The following CCDC9 variants were observed in gnomAD, a reference collection of about 807,000 sequenced individuals.
The protein encoded by CCDC9 is coiled-coil domain-containing protein 9.
CCDC9 carries 52 observed loss-of-function variants against 65.6 expected under a neutral mutation model. The ratio of observed to expected loss-of-function variants is 0.79; its 90% confidence interval spans 0.63 to 1.00. CCDC9 has a LOEUF of 1.00. Among genes scored for constraint, CCDC9 ranks in the 50% least tolerant of loss-of-function variants. The pLI, the probability that CCDC9 is intolerant of heterozygous loss-of-function variation, is 0.00. For missense variants in CCDC9, 834 were observed against 757.2 expected (o/e 1.10, Z -1.19); for synonymous variants, 332 against 280.3 (o/e 1.18, Z -1.84).
chr19:47,262,074 CAA>C (rs1419196298), intron 5 of CCDC9, among the ~76,000 whole-genome samples: 4 of 151,846 alleles, frequency 2.6e-5, no homozygotes, highest in African/African-American at 7.3e-5. Flanking sequence ...TGCTGTCACA[CAA>C]AGACTCCAAA....
Position 47,260,311 on chromosome 19 carries a change from C to T in CCDC9, c.109-10C>T, listed in dbSNP as rs2059036566. Reference sequence around the variant, plus strand: ...CCTGATGCTTCCCTACCCCGGCTGTCTGCTCCTAGGAGATTGAGGAAGACC... The same window carrying T: ...CCTGATGCTTCCCTACCCCGGCTGTTTGCTCCTAGGAGATTGAGGAAGACC... On this transcript the variant is annotated splice_polypyrimidine_tract_variant and intron_variant, in intron 3 of 11. Transcript: ENST00000221922. 6.4e-7 allele frequency: 1 copy of T among 1,567,526 alleles called. No individual in the cohort carries two copies. Among genetic ancestry groups the T allele is most frequent in the Non-Finnish European group, 8.7e-7 (1 of 1,154,326 alleles).
rs1460081036 is a variant in CCDC9, at chr19:47,271,726, TGTGTGTGCGCGC to T, written c.*50_*61del. ...GTGTGTGTGTGTGTGTGTGTGTGTGTGTGTGTGCGCGCGCGCGCGCGCGCGCGCGCGCGCTAG... is the reference window on the plus strand; with the variant it reads ...GTGTGTGTGTGTGTGTGTGTGTGTGTGCGCGCGCGCGCGCGCGCGCGCTAG... On this transcript the variant is annotated 3_prime_UTR_variant, in exon 12 of 12. Coordinates refer to ENST00000221922, the MANE Select transcript of CCDC9 (RefSeq NM_015603.3). 1,075 of 1,138,970 alleles carry T rather than the reference TGTGTGTGCGCGC, an allele frequency of 9.4e-4. 6 individuals are homozygous for T. In the African/African-American group the frequency reaches 0.017, roughly 18 times the overall value. 70.6% of individuals were successfully genotyped at this position (1,138,970 alleles called of 1,614,324 possible).
chr19:47,272,630 TG>T (rs1219169294), downstream of CCDC9, among the ~76,000 whole-genome samples: 1 of 151,850 alleles, frequency 6.6e-6, no homozygotes, highest in African/African-American at 2.4e-5. Flanking sequence ...TCAAAAAAGG[TG>T]GTTGGCGTTG....
At chr19:47,261,230 CCCAT>C (rs1226372683) in intron 5 of CCDC9, among the ~76,000 whole-genome samples, 1 of 152,078 alleles carries the variant, frequency 6.6e-6, no homozygotes, top group Non-Finnish European at 1.5e-5. Flanking sequence ...ATCCTCCGTC[CCCAT>C]CTCTCCTCCC....
rs2059037714 is a variant in CCDC9 at position 47,260,496 on chromosome 19, C to T, written c.210+74C>T. 35 of 1,600,504 alleles carry T rather than the reference C, an allele frequency of 2.2e-5. 1 individual carries two copies. The highest frequency in any genetic ancestry group is 1.6e-4 in the South Asian group (14 of 90,148). On this transcript the variant is annotated intron_variant, in intron 4 of 11. Transcript: ENST00000221922. ...GGGTTGAGGCCTGGGACCCAGGAGC[C>T]CCCAGCTGTCCTGCACCAGTGGGTG...
chr19:47,256,880 C>CT (rs1294797792), intron 1 of CCDC9, among the ~76,000 whole-genome samples: 1 of 150,906 alleles, frequency 6.6e-6, no homozygotes, highest in Non-Finnish European at 1.5e-5. Context: ...CATAGTGTTG[C>CT]TTGTTCAGCT....
chr19:47,256,739 T>A (rs1174720525), intron 1 of CCDC9, 130 bp downstream of exon 1: 1 of 25,086 alleles, frequency 4.0e-5, no homozygotes, highest in Non-Finnish European at 7.7e-5. Context: ...GACGCCCACA[T>A]GGGAAGCTGG....
chr19:47,270,598 A>C lies in CCDC9; in HGVS notation c.995A>C (p.Glu332Ala). The stretch of plus-strand genomic sequence containing the variant: ...CCCCCGAAGCCCCCTACTTTTGGGG[A>C]GTTCCTGTCCCAGCACAAAGCTGAG... ...ARPPKPPTFG[E>A]FLSQHKAEAS... is the part of the protein sequence containing the mutation. The change falls in exon 10 of 12, where the codon GAG (glutamate) becomes GCG (alanine). Residue 332 changes from glutamate to alanine, a missense_variant. Coordinates refer to ENST00000221922, the MANE Select transcript of CCDC9 (RefSeq NM_015603.3). 1 of 1,613,616 alleles carries C rather than the reference A, an allele frequency of 6.2e-7. No individual in the cohort carries two copies. Among genetic ancestry groups the C allele is most frequent in the South Asian group, 1.1e-5 (1 of 91,056 alleles).
At chr19:47,275,176 C>G, downstream of CCDC9, 4 of 1,464,890 alleles carry the variant, frequency 2.7e-6, no homozygotes, top group South Asian at 1.4e-5. Flanking sequence ...CCGCCTGTCC[C>G]GGCGCCCGCC....
At position 47,271,714 on chromosome 19, in the gene CCDC9, TGTGTGTGTGTGTGTGTGTGCGCGC is replaced by T. The variant is rs1490078040; in HGVS notation, c.*38_*61del. Reference sequence around the variant, plus strand: ...CTGTGTGTGTGTGTGTGTGTGTGTGTGTGTGTGTGTGTGTGTGTGCGCGCGCGCGCGCGCGCGCGCGCGCGCTAG... The same window carrying T: ...CTGTGTGTGTGTGTGTGTGTGTGTGTGCGCGCGCGCGCGCGCGCGCGCTAG... On this transcript the variant is annotated 3_prime_UTR_variant, in exon 12 of 12. Transcript: ENST00000221922. 1.2e-4 allele frequency: 172 copies of T among 1,378,372 alleles called. No homozygotes were observed. Among genetic ancestry groups the T allele is most frequent in the South Asian group, 7.9e-4 (57 of 72,370 alleles). The allele number at this position is 1,378,372 out of a possible 1,614,324, so 85.4% of individuals were successfully genotyped here. A position where few individuals can be genotyped will look rare whatever the true frequency, so the allele number is the denominator to read the frequency against.
chr19:47,269,746 G>T (rs556398598), intron 8 of CCDC9, among the ~76,000 whole-genome samples: 9 of 152,246 alleles, frequency 5.9e-5, no homozygotes, highest in Admixed American at 5.2e-4. Flanking sequence ...AGGAGCAGGC[G>T]CTAAGGCCCT....
At chr19:47,270,382 C>G (rs747423442) in intron 8 of CCDC9, 25 bp from the exon 9 acceptor site, 2 of 1,613,132 alleles carry the variant, frequency 1.2e-6, no homozygotes, top group African/African-American at 1.3e-5. Flanking sequence ...CCCAGCTGCC[C>G]GCTCACCCGT....
Position 47,264,615 on chromosome 19 carries a change from C to T in CCDC9, c.475C>T (p.Arg159Trp), listed in dbSNP as rs142258592. 1.2e-5 allele frequency: 19 copies of T among 1,598,064 alleles called. No homozygotes were observed. The highest frequency in any genetic ancestry group is 1.4e-5 in the Non-Finnish European group (17 of 1,172,570). The change falls in exon 6 of 12, where the codon CGG becomes TGG. Residue 159 changes from arginine to tryptophan, a missense_variant. By Grantham distance (101) the Arg-to-Trp change is moderately radical (BLOSUM62 -3). Transcript: ENST00000221922. ...SDRKSKEWEE[R>W]RRQNIEKMNE... The stretch of plus-strand genomic sequence containing the variant: ...TTTATCCCCCCAGGAGTGGGAGGAG[C>T]GGCGCAGGCAGAACATTGAGAAGAT...
At position 47,271,892 on chromosome 19, in the gene CCDC9, A is replaced by C; in HGVS notation, c.*214A>C. 1 of 1,313,436 alleles carries C rather than the reference A, an allele frequency of 7.6e-7. No homozygotes were observed. The highest frequency in any genetic ancestry group is 9.7e-7 in the Non-Finnish European group (1 of 1,033,626). The allele number at this position is 1,313,436 out of a possible 1,614,324, so 81.4% of individuals were successfully genotyped here. ...TGTCATGCCCGTCTCTGGAATGTCC[A>C]CTCCCAGAGCCTGCCCCAGCCCTTC... On this transcript the variant is annotated 3_prime_UTR_variant, in exon 12 of 12. Coordinates refer to ENST00000221922, the MANE Select transcript of CCDC9 (RefSeq NM_015603.3).
downstream of CCDC9, chr19:47,271,984 C>A: frequency 8.0e-7 from 1 of 1,251,712 alleles, no homozygotes; most frequent in Non-Finnish European, 1.0e-6. Context: ...CCTTGAACCC[C>A]CTTCAACTCC....
At chr19:47,264,550 G>A (rs1006441237) in intron 5 of CCDC9, 53 bp from the exon 6 acceptor site, 8 of 1,515,000 alleles carry the variant, frequency 5.3e-6, no homozygotes, top group Non-Finnish European at 7.2e-6. Flanking sequence ...CTCCTGCACC[G>A]GCAGCTTAAT....
chr19:47,274,064 C>A, downstream of CCDC9: 3 of 811,442 alleles, frequency 3.7e-6, no homozygotes, highest in South Asian at 5.6e-5. Flanking sequence ...GATTTCCAGG[C>A]TGTGTTCTTT....
chr19:47,262,769 G>T (rs1020610280), intron 5 of CCDC9, among the ~76,000 whole-genome samples: 2 of 152,066 alleles, frequency 1.3e-5, no homozygotes, highest in African/African-American at 4.8e-5. Flanking sequence ...CACTAGCTTG[G>T]TTACTAGTAA....
intron 3 of CCDC9, 21 bp from the exon 4 acceptor site, chr19:47,260,300 A>G (rs1472883606): frequency 1.3e-6 from 2 of 1,543,208 alleles, no homozygotes; most frequent in African/African-American, 2.7e-5. Flanking sequence ...ATGCTTCCCT[A>G]CCCCGGCTGT....
Sources: gnomAD v4.1 joint callset for allele counts (sites outside exome capture counted in the v4.1 genomes callset) on GRCh38, gnomAD v4.1.1 for gene constraint, MANE v1.5 for transcripts, NCBI Gene and HGNC (gene_info 2026-07-23, HGNC 2026-07-21) for gene names.